The following TRPM5 variants were observed in gnomAD, a reference collection of about 807,000 sequenced individuals.
The protein encoded by TRPM5 is MLSN1 and TRP-related.
Under a neutral mutation model 124.9 loss-of-function variants are expected in TRPM5, and 121 were observed. That is an observed-to-expected ratio of 0.97 (90% CI 0.84 to 1.13). The LOEUF (loss-of-function observed/expected upper bound fraction) is 1.13. TRPM5 is among the 50% of genes most tolerant of loss of function. The probability of loss-of-function intolerance (pLI) is 0.00; values close to 1 mark genes in which losing one functional copy is unlikely to be tolerated. For missense variants in TRPM5, 1,643 were observed against 1,589.1 expected (o/e 1.03, Z -0.58); for synonymous variants, 781 against 700.5 (o/e 1.11, Z -1.81).
At chr11:2,412,870 A>G in exon 15 of TRPM5, 1 of 1,599,826 alleles carries the variant, frequency 6.3e-7, no homozygotes. Flanking sequence ...GTGAACAGGA[A>G]GAGGAAGGCG....
chr11:2,410,110 A>G (rs1257478013), intron 18 of TRPM5, among the ~76,000 whole-genome samples: 1 of 152,176 alleles, frequency 6.6e-6, no homozygotes, highest in East Asian at 1.9e-4. Context: ...GGTCGCAGGC[A>G]GGCAGGGTCT....
intron 3 of TRPM5, among the ~76,000 whole-genome samples, chr11:2,420,818 T>C (rs1845761161): frequency 6.6e-6 from 1 of 152,102 alleles, no homozygotes; most frequent in Non-Finnish European, 1.5e-5. Context: ...TGGGCCCGTG[T>C]GGTACAGGAG....
intron 18 of TRPM5, among the ~76,000 whole-genome samples, chr11:2,408,929 T>A (rs1412018484): frequency 6.6e-6 from 1 of 152,250 alleles, no homozygotes; most frequent in Admixed American, 6.5e-5. Flanking sequence ...TGTGTGAGTC[T>A]GCGTGTGAGC....
intron 6 of TRPM5, 111 bp from the exon 12 acceptor site, chr11:2,417,940 C>G (rs1427499017): frequency 1.7e-6 from 2 of 1,142,958 alleles, no homozygotes; most frequent in African/African-American, 3.1e-5. Flanking sequence ...GTGAGCCTTG[C>G]AGCCTGCATG....
At position 2,407,109 on chromosome 11, in the gene TRPM5, TC is replaced by T; in HGVS notation, c.3118+9del. On this transcript the variant is annotated intron_variant, in intron 20 of 23. Transcript: ENST00000155858. The stretch of plus-strand genomic sequence containing the variant: ...CTCACCCAGGTGCTCCCGCTTGTGC[TC>T]GGCCTCACCCAGGTGCTCCCGCTTG... 1.9e-6 allele frequency: 3 copies of T among 1,569,764 alleles called. No individual in the cohort carries two copies. Among genetic ancestry groups the T allele is most frequent in the Non-Finnish European group, 2.6e-6 (3 of 1,160,886 alleles).
intron 18 of TRPM5, chr11:2,410,688 GAA>G (rs1850428274): frequency 2.2e-6 from 1 of 455,358 alleles, no homozygotes; most frequent in East Asian, 7.0e-5. Context: ...ACTGGCTTAT[GAA>G]AAAGTTTCCA....
At position 2,417,955 on chromosome 11, in the gene TRPM5, C is replaced by T. The variant is rs1845709517; in HGVS notation, c.907-126G>A. 9 of 1,058,712 alleles carry T rather than the reference C, an allele frequency of 8.5e-6. No individual in the cohort carries two copies. The Admixed American group carries it at 2.0e-4, about 24-fold the overall frequency. The allele number at this position is 1,058,712 out of a possible 1,614,324, so 65.6% of individuals were successfully genotyped here. Reference sequence around the variant, plus strand: ...GTGAGCCTTGCAGCCTGCATGCCCACCGCCCACCGGGCCCGGCCTGGGACC... The same window carrying T: ...GTGAGCCTTGCAGCCTGCATGCCCATCGCCCACCGGGCCCGGCCTGGGACC... On this transcript the variant is annotated intron_variant, in intron 6 of 23. Coordinates refer to ENST00000155858, the Ensembl canonical transcript of TRPM5.
chr11:2,430,729 CGG>C, the TRPM5 span, among the ~76,000 whole-genome samples: 1 of 67,168 alleles, frequency 1.5e-5, no homozygotes, highest in African/African-American at 6.3e-5. Context: ...GTTTTGGTGG[CGG>C]TGATGGTGAT....
Position 2,416,008 on chromosome 11 carries a change from G to A in TRPM5, c.1026C>T (p.Ser342=), listed in dbSNP as rs367722408. 4 of 1,594,048 alleles carry A rather than the reference G, an allele frequency of 2.5e-6. No homozygotes were observed. In the African/African-American group the frequency reaches 5.3e-5, roughly 21 times the overall value. Residue 342 remains serine, a synonymous_variant, in exon 8 of 24, where the codon AGC becomes AGT. Transcript: ENST00000155858. ...CATCCAGATAGTCCTGAGGCTCCTG[G>A]CTGTGGCTCTTGCAGGCTGTGGGCA... is the stretch of plus-strand genomic sequence containing the variant.
rs1850354765 is a variant in TRPM5, at chr11:2,407,862, ATGGTGAGTCCTCCAGCAGCAGTGGGT to A, written c.2807_2832del (p.His936LeufsTer89). 11 of 1,613,874 alleles carry A rather than the reference ATGGTGAGTCCTCCAGCAGCAGTGGGT, an allele frequency of 6.8e-6. No homozygotes were observed. The highest frequency in any genetic ancestry group is 9.3e-6 in the Non-Finnish European group (11 of 1,180,012). On this transcript the variant is annotated frameshift_variant, in exon 19 of 24. Coordinates refer to ENST00000155858, the Ensembl canonical transcript of TRPM5. LOFTEE classifies it high-confidence loss of function. ...CAGTTGGCATAGAGGCTGGGGCAGG[ATGGTGAGTCCTCCAGCAGCAGTGGGT>A]GGGTGGAGCAGTTCACACGGGCTTC...
At chr11:2,413,934 C>T (rs902986396) in intron 12 of TRPM5, 127 bp downstream of exon 17, 34 of 1,329,888 alleles carry the variant, frequency 2.6e-5, no homozygotes, top group Admixed American at 2.3e-4. Flanking sequence ...AGCCCCACCC[C>T]GCCCCCTCTG....
the TRPM5 span, among the ~76,000 whole-genome samples, chr11:2,436,898 A>G: frequency 6.6e-6 from 1 of 152,212 alleles, no homozygotes; most frequent in Non-Finnish European, 1.5e-5. Context: ...CGCAGCCAGA[A>G]GCACCCCGCT....
At chr11:2,405,097 G>GT in intron 23 of TRPM5, 54 bp from the exon 29 acceptor site, 1 of 1,492,862 alleles carries the variant, frequency 6.7e-7, no homozygotes, top group Non-Finnish European at 9.3e-7. Context: ...GCAGGCCCAG[G>GT]AAGGGGAGAG....
intron 4 of TRPM5, 46 bp from the exon 10 acceptor site, chr11:2,418,637 T>C: frequency 6.4e-7 from 1 of 1,571,860 alleles, no homozygotes; most frequent in South Asian, 1.2e-5. Context: ...CCGCCTGGGG[T>C]GACCACCCGG....
the TRPM5 span, among the ~76,000 whole-genome samples, chr11:2,439,725 G>A: frequency 6.6e-6 from 1 of 152,240 alleles, no homozygotes; most frequent in African/African-American, 2.4e-5. Context: ...TACACTGTGG[G>A]TGGGAATGTA....
chr11:2,404,964 C>T, exon 24 of TRPM5: 2 of 1,612,572 alleles, frequency 1.2e-6, no homozygotes, highest in East Asian at 2.2e-5. Context: ...GCTGGCCAGC[C>T]CCGGGTTGTT....
At chr11:2,437,011 C>T in the TRPM5 span, among the ~76,000 whole-genome samples, 1 of 152,248 alleles carries the variant, frequency 6.6e-6, no homozygotes, top group African/African-American at 2.4e-5. This position sits in a 1 kb window ranked among gnomAD's most constrained non-coding sequence, Gnocchi z 5.6. Context: ...CATGAGCCCA[C>T]AGGGTGTAGC....
chr11:2,416,385 G>T (rs536221911), intron 7 of TRPM5, among the ~76,000 whole-genome samples: 1 of 152,282 alleles, frequency 6.6e-6, no homozygotes, highest in East Asian at 1.9e-4. Flanking sequence ...GCTGGGCCAC[G>T]TTTCCTCCAC....
At chr11:2,434,699 G>A in the TRPM5 span, among the ~76,000 whole-genome samples, 1 of 151,016 alleles carries the variant, frequency 6.6e-6, no homozygotes, top group Non-Finnish European at 1.5e-5. Flanking sequence ...CTGTGTGTGT[G>A]TCTGTGTGTC....
Sources: allele counts gnomAD v4.1 joint callset (sites outside exome capture counted in the v4.1 genomes callset), GRCh38; gene constraint gnomAD v4.1.1; non-coding constraint Gnocchi (gnomAD v3.1); transcripts MANE v1.5; gene names NCBI Gene and HGNC (gene_info 2026-07-23, HGNC 2026-07-21).